The following CCAR1 variants were observed in gnomAD, a reference collection of about 807,000 sequenced individuals.
The protein encoded by CCAR1 is cell division cycle and apoptosis regulator protein 1.
CCAR1 carries 78 observed loss-of-function variants against 163.8 expected under a neutral mutation model. The observed-to-expected ratio is 0.48, with a 90% CI of 0.40 to 0.57. The LOEUF (loss-of-function observed/expected upper bound fraction) is 0.57, where lower values mean the gene tolerates loss of function less well. Ranked by LOEUF, CCAR1 falls within the 20% of genes least tolerant of loss-of-function variation. The probability of loss-of-function intolerance (pLI) is 0.00; values close to 1 mark genes in which losing one functional copy is unlikely to be tolerated. For missense variants in CCAR1, 1,019 were observed against 1,365.2 expected (o/e 0.75, Z 4.00); for synonymous variants, 443 against 460.7 (o/e 0.96, Z 0.49).
At chr10:68,772,142 G>A (rs1589184880) in intron 18 of CCAR1, among the ~76,000 whole-genome samples, 1 of 152,066 alleles carries the variant, frequency 6.6e-6, no homozygotes, top group South Asian at 2.1e-4. Flanking sequence ...GCCTCCCAAA[G>A]TGCTGGTATT....
Position 68,753,959 on chromosome 10 carries a change from G to C in CCAR1, c.1226G>C (p.Arg409Thr). 1.2e-6 allele frequency: 2 copies of C among 1,613,938 alleles called. No homozygotes were observed. Among genetic ancestry groups the C allele is most frequent in the Non-Finnish European group, 1.7e-6 (2 of 1,179,924 alleles). ...TGGGTGGATGCTTTCCCTTTGTCAA[G>C]ACCATTTCAGCTGGGAAATTACTGC... ...FTWVDAFPLS[R>T]PFQLGNYCNF... Residue 409 changes from arginine (R) to threonine (T), a missense_variant, in exon 11 of 25, where the codon AGA (arginine) becomes ACA (threonine). Coordinates refer to ENST00000265872, the MANE Select transcript of CCAR1 (RefSeq NM_018237.4).
At chr10:68,736,073 G>A (rs1402796782) in intron 2 of CCAR1, among the ~76,000 whole-genome samples, 3 of 151,982 alleles carry the variant, frequency 2.0e-5, no homozygotes, top group Non-Finnish European at 2.9e-5. Flanking sequence ...GCCTGGTCTC[G>A]AACTCTTGAC....
chr10:68,758,615 GTATATA>G lies in CCAR1; in HGVS notation c.1920+1248_1920+1253del, dbSNP rs150136958. Among the ~76,000 whole-genome samples the G allele has an allele frequency of 5.1e-3, 537 of 105,506 alleles. 3 individuals carry two copies. Among genetic ancestry groups the G allele is most frequent in the African/African-American group, 0.015 (516 of 33,656 alleles). The allele number at this position is 105,506 out of a possible 152,430, so 69.2% of individuals were successfully genotyped here. A position where few individuals can be genotyped will look rare whatever the true frequency, so the allele number is the denominator to read the frequency against. On this transcript the variant is annotated intron_variant, in intron 15 of 24. Transcript: ENST00000265872. ...TACACACACATATATATACGTGTGT[GTATATA>G]TATATATATGTATATATACACACGT...
intron 19 of CCAR1, among the ~76,000 whole-genome samples, chr10:68,782,034 C>CA (rs1316442960): frequency 1.3e-5 from 2 of 152,104 alleles, no homozygotes; most frequent in Admixed American, 6.6e-5. Context: ...GAAGGAAACT[C>CA]AAAGTGCTAC....
chr10:68,737,879 T>C lies in CCAR1; in HGVS notation c.281T>C (p.Val94Ala). The stretch of plus-strand genomic sequence containing the variant: ...CAACCTCAGCAGGCCCTGTATAGTG[T>C]GCAACAACAGGTTAGTTTATATTTT... ...YSQPQQALYS[V>A]QQQLQQPQQT... Residue 94 changes from valine to alanine, a missense_variant, in exon 4 of 25, where the codon GTG becomes GCG. Physicochemically the swap from Val to Ala is moderately conservative, Grantham distance 64 (BLOSUM62 0). Around this residue, in one of 4 missense-constraint regions of CCAR1, gnomAD observed 644 missense variants for 904.4 expected, o/e 0.71. Transcript: ENST00000265872. 1 of 1,593,742 alleles carries C rather than the reference T, an allele frequency of 6.3e-7. No homozygotes were observed. Among genetic ancestry groups the C allele is most frequent in the East Asian group, 2.3e-5 (1 of 44,376 alleles).
rs2056395591 is a variant in CCAR1 at position 68,756,195 on chromosome 10, G to C, written c.1626-78G>C. 3 of 1,136,668 alleles carry C rather than the reference G, an allele frequency of 2.6e-6. No individual in the cohort carries two copies. The highest frequency in any genetic ancestry group is 2.5e-6 in the Non-Finnish European group (2 of 790,176). 70.4% of individuals were successfully genotyped at this position (1,136,668 alleles called of 1,614,324 possible). On this transcript the variant is annotated intron_variant, in intron 13 of 24. Transcript: ENST00000265872. This position sits in a 1 kb window ranked among gnomAD's most constrained non-coding sequence, Gnocchi z 5.1. ...TTCTTGCAGCAAAATTTCTTTACTT[G>C]ATGTGCTACAAGTGAACTAGGGTCT... is the stretch of plus-strand genomic sequence containing the variant.
chr10:68,789,978 T>C (rs1589197522), intron 24 of CCAR1, 63 bp downstream of exon 24: 5 of 992,588 alleles, frequency 5.0e-6, no homozygotes, highest in Non-Finnish European at 7.4e-6. Context: ...GTGTTTTTAA[T>C]GTATTTTAAT....
In CCAR1 at chr10:68,739,571, G is replaced by A. The variant is rs1179215089; in HGVS notation, c.292-1058G>A. ...GCTTCAGAAGCATTGCATTTTCCCAGAAGACCTCAGTATTTCACTAGTAAT... is the reference window on the plus strand; with the variant it reads ...GCTTCAGAAGCATTGCATTTTCCCAAAAGACCTCAGTATTTCACTAGTAAT... On this transcript the variant is annotated intron_variant, in intron 4 of 24. Coordinates refer to ENST00000265872, the MANE Select transcript of CCAR1 (RefSeq NM_018237.4). Among the ~76,000 whole-genome samples the A allele has an allele frequency of 2.6e-5, 4 of 152,280 alleles. No individual in the cohort carries two copies. The South Asian group carries it at 6.2e-4, about 24-fold the overall frequency.
chr10:68,737,949 C>G, intron 4 of CCAR1, 60 bp downstream of exon 4: 1 of 1,116,692 alleles, frequency 9.0e-7, no homozygotes, highest in South Asian at 1.4e-5. Flanking sequence ...CTCCAAAGTT[C>G]AATTGATAGA....
chr10:68,721,351 C>T, intron 1 of CCAR1, 69 bp downstream of exon 1: 10 of 264,708 alleles, frequency 3.8e-5, no homozygotes, highest in South Asian at 2.5e-4. Context: ...CTTGTCGAAT[C>T]TGTGGAAGGG....
chr10:68,763,553 T>C (rs1265879891), intron 16 of CCAR1, among the ~76,000 whole-genome samples: 2 of 152,124 alleles, frequency 1.3e-5, no homozygotes, highest in Non-Finnish European at 2.9e-5. Flanking sequence ...GTTCAAGCGA[T>C]TCTTGTACCT....
chr10:68,748,055 C>T (rs1275862467), intron 8 of CCAR1, among the ~76,000 whole-genome samples: 2 of 152,018 alleles, frequency 1.3e-5, no homozygotes, highest in African/African-American at 4.8e-5. Flanking sequence ...GGTTTCACCA[C>T]GTTGGCCAGG....
At chr10:68,730,615 C>T (rs939308961) in intron 2 of CCAR1, among the ~76,000 whole-genome samples, 2 of 152,062 alleles carry the variant, frequency 1.3e-5, no homozygotes, top group African/African-American at 4.8e-5. Flanking sequence ...GGATTACAGG[C>T]GTGAGCCACC....
In CCAR1 at chr10:68,761,821, C is replaced by T. The variant is rs929910910; in HGVS notation, c.2106+629C>T. ...TTTTCCATGTTGGTCAGGCTGGTCT[C>T]GAACTCCTGACCTCAGGTGATCCGC... On this transcript the variant is annotated intron_variant, in intron 16 of 24. Transcript: ENST00000265872. 9.2e-5 allele frequency among the ~76,000 whole-genome samples: 14 copies of T among 151,608 alleles called. 1 individual carries two copies. The highest frequency in any genetic ancestry group is 2.6e-4 in the Admixed American group (4 of 15,220).
At chr10:68,744,165 G>A (rs1229246348) in intron 6 of CCAR1, among the ~76,000 whole-genome samples, 2 of 152,168 alleles carry the variant, frequency 1.3e-5, no homozygotes, top group Non-Finnish European at 2.9e-5. Flanking sequence ...GATTATAGGC[G>A]TGAACCACTG....
At position 68,742,387 on chromosome 10, in the gene CCAR1, A is replaced by G; in HGVS notation, c.336A>G (p.Ala112=). ...QQTLLTQPAV[A]LPTSLSLSTP... is the part of the protein sequence containing the mutation. Reference sequence around the variant, plus strand: ...ATTTTGTTTTATAGCCAGCTGTTGCACTGCCTACAAGCCTTAGCCTGTCTA... The same window carrying G: ...ATTTTGTTTTATAGCCAGCTGTTGCGCTGCCTACAAGCCTTAGCCTGTCTA... The change falls in exon 6 of 25, where the codon GCA becomes GCG. Residue 112 remains alanine (A), a synonymous_variant. Transcript: ENST00000265872. The G allele has an allele frequency of 1.9e-6, 3 of 1,598,566 alleles. No homozygotes were observed. In the East Asian group the frequency reaches 6.7e-5, roughly 36 times the overall value.
At chr10:68,737,958 G>A in intron 4 of CCAR1, 69 bp downstream of exon 4, 1 of 1,054,548 alleles carries the variant, frequency 9.5e-7, no homozygotes, top group Non-Finnish European at 1.4e-6. Context: ...TCAATTGATA[G>A]AGAGTTTTAT....
At chr10:68,736,449 T>C (rs1234328314) in intron 2 of CCAR1, among the ~76,000 whole-genome samples, 2 of 152,152 alleles carry the variant, frequency 1.3e-5, no homozygotes, top group African/African-American at 2.4e-5. Flanking sequence ...TGAACATTCC[T>C]CCTAACTGAA....
intron 19 of CCAR1, among the ~76,000 whole-genome samples, chr10:68,785,922 A>G (rs1319994773): frequency 6.6e-6 from 1 of 152,140 alleles, no homozygotes; most frequent in East Asian, 1.9e-4. Context: ...ATGTTTTAGC[A>G]TAAGGTTTTC....
Sources: gnomAD v4.1 joint callset for allele counts (sites outside exome capture counted in the v4.1 genomes callset) on GRCh38, gnomAD v4.1.1 for gene constraint, gnomAD v4.1.1 regional missense constraint, Gnocchi (gnomAD v3.1) non-coding constraint, MANE v1.5 for transcripts, NCBI Gene and HGNC (gene_info 2026-07-23, HGNC 2026-07-21) for gene names.